The following GABRB2 variants were observed in gnomAD, a reference collection of about 807,000 sequenced individuals.
GABRB2 encodes gamma-aminobutyric acid type A receptor subunit beta2, also known as gamma-aminobutyric acid receptor subunit beta-2.
In GABRB2, 16 loss-of-function variants were observed where a neutral mutation model predicts 54.7. The observed-to-expected ratio is 0.29, with a 90% CI of 0.20 to 0.44. The LOEUF (loss-of-function observed/expected upper bound fraction) is 0.44, where lower values mean the gene tolerates loss of function less well. Ranked by LOEUF, GABRB2 falls within the 20% of genes least tolerant of loss-of-function variation. GABRB2 has a pLI of 1.00. For missense variants in GABRB2, 355 were observed against 644.0 expected (o/e 0.55, Z 4.86); for synonymous variants, 244 against 233.8 (o/e 1.04, Z -0.40).
At chr5:161,335,200 G>GTTT (rs2113405659) in intron 6 of GABRB2, among the ~76,000 whole-genome samples, 1 of 152,208 alleles carries the variant, frequency 6.6e-6, no homozygotes, top group Non-Finnish European at 1.5e-5. Flanking sequence ...ATTTGGGACA[G>GTTT]TTCTTTTTTT....
At chr5:161,439,060 C>T (rs779801542) in intron 4 of GABRB2, among the ~76,000 whole-genome samples, 1 of 152,080 alleles carries the variant, frequency 6.6e-6, no homozygotes, top group Non-Finnish European at 1.5e-5. Flanking sequence ...TTATAGAACA[C>T]CAAGCAGATT....
chr5:161,306,418 A>AT (rs35052790), intron 9 of GABRB2, among the ~76,000 whole-genome samples: 1 of 152,122 alleles, frequency 6.6e-6, no homozygotes, highest in Non-Finnish European at 1.5e-5. Flanking sequence ...GTATAGAGAT[A>AT]TTTTTTTCCA....
rs117086693 is a variant in GABRB2 at position 161,453,802 on chromosome 5, C to T, written c.458+5822G>A. Reference sequence around the variant, plus strand: ...CTGTAATCCTAGCACACTGGGAGGTCGGGGTGGGCAGATCATTTGAAATCA... The same window carrying T: ...CTGTAATCCTAGCACACTGGGAGGTTGGGGTGGGCAGATCATTTGAAATCA... On this transcript the variant is annotated intron_variant, in intron 4 of 9. Transcript: ENST00000393959. Among the ~76,000 whole-genome samples, 43 of 151,900 alleles carry T rather than the reference C, an allele frequency of 2.8e-4. No individual in the cohort carries two copies. In the East Asian group the frequency reaches 7.2e-3, roughly 25 times the overall value.
intron 3 of GABRB2, among the ~76,000 whole-genome samples, chr5:161,463,317 C>CCACACACA (rs137863733): frequency 0.027 from 3,868 of 141,122 alleles, 143 homozygotes; most frequent in African/African-American, 0.078. Flanking sequence ...TACACACACA[C>CCACACACA]CACACACACA....
At chr5:161,301,090 T>G (rs1231274818) in intron 9 of GABRB2, among the ~76,000 whole-genome samples, 5 of 152,186 alleles carry the variant, frequency 3.3e-5, no homozygotes, top group Non-Finnish European at 5.9e-5. Flanking sequence ...AGTTAGCAAT[T>G]GGCCCGGAGT....
At chr5:161,505,948 C>T (rs933251138) in intron 3 of GABRB2, among the ~76,000 whole-genome samples, 26 of 152,008 alleles carry the variant, frequency 1.7e-4, no homozygotes, top group African/African-American at 5.3e-4. Context: ...TTAAAGCCAA[C>T]GTGATAAGTA....
At chr5:161,474,161 G>A (rs71605496) in intron 3 of GABRB2, among the ~76,000 whole-genome samples, 3,428 of 152,032 alleles carry the variant, frequency 0.023, 61 homozygotes, top group Non-Finnish European at 0.034. Context: ...TATTTTTGGC[G>A]TACTGGCTTT....
intron 5 of GABRB2, among the ~76,000 whole-genome samples, chr5:161,367,457 C>G (rs1755002422): frequency 6.6e-6 from 1 of 152,036 alleles, no homozygotes; most frequent in Admixed American, 6.6e-5. Context: ...AATTGAAAAA[C>G]AACCATATAT....
chr5:161,423,797 A>C (rs950531684), intron 4 of GABRB2, among the ~76,000 whole-genome samples: 1 of 152,186 alleles, frequency 6.6e-6, no homozygotes, highest in Non-Finnish European at 1.5e-5. Flanking sequence ...AGAAAGGCTG[A>C]AAACTAGGCC....
chr5:161,416,961 T>C (rs191819556), intron 4 of GABRB2, among the ~76,000 whole-genome samples: 53 of 152,112 alleles, frequency 3.5e-4, no homozygotes, highest in Admixed American at 9.8e-4. Flanking sequence ...CAAACTAATA[T>C]AAAAACTTCA....
Position 161,546,547 on chromosome 5 carries a change from G to C in GABRB2, c.77+20C>G. On this transcript the variant is annotated intron_variant, in intron 1 of 9. Transcript: ENST00000393959. ...CCCTTCAAAGTGAGAACGGAAAAGA[G>C]AAACGCTGGGCACACTTACCTCTGC... 4 of 1,589,548 alleles carry C rather than the reference G, an allele frequency of 2.5e-6. No homozygotes were observed. Among genetic ancestry groups the C allele is most frequent in the Non-Finnish European group, 3.4e-6 (4 of 1,165,458 alleles).
intron 3 of GABRB2, among the ~76,000 whole-genome samples, chr5:161,508,050 A>G (rs1011738762): frequency 2.0e-5 from 3 of 152,012 alleles, no homozygotes; most frequent in African/African-American, 7.2e-5. Flanking sequence ...ACTTGAACAA[A>G]AAATACTCAA....
At chr5:161,400,164 C>CA (rs564298729) in intron 5 of GABRB2, among the ~76,000 whole-genome samples, 84 of 152,188 alleles carry the variant, frequency 5.5e-4, no homozygotes, top group Non-Finnish European at 8.7e-4. Flanking sequence ...AACTATCAAA[C>CA]AAAAACAACA....
intron 5 of GABRB2, among the ~76,000 whole-genome samples, chr5:161,409,562 C>A (rs922745350): frequency 6.6e-6 from 1 of 151,962 alleles, no homozygotes; most frequent in Non-Finnish European, 1.5e-5. Flanking sequence ...ATTTGATATC[C>A]CAGAATAATT....
chr5:161,353,566 G>A (rs1166948833), intron 5 of GABRB2, among the ~76,000 whole-genome samples: 3 of 152,024 alleles, frequency 2.0e-5, no homozygotes, highest in Non-Finnish European at 4.4e-5. Context: ...TGTGCAAGCT[G>A]TTACTGGCCT....
chr5:161,336,889 A>G, intron 5 of GABRB2, 120 bp from the exon 6 acceptor site: 1 of 1,036,136 alleles, frequency 9.7e-7, no homozygotes, highest in Non-Finnish European at 1.4e-6. Context: ...ATAAAGATAT[A>G]GCTAAAGGCT....
intron 5 of GABRB2, among the ~76,000 whole-genome samples, chr5:161,350,796 C>G (rs1187974005): frequency 6.6e-6 from 1 of 152,070 alleles, no homozygotes; most frequent in Admixed American, 6.6e-5. Context: ...CCATCTTTCT[C>G]CCATGCTCAA....
intron 9 of GABRB2, among the ~76,000 whole-genome samples, chr5:161,297,543 T>G (rs1580957035): frequency 6.6e-6 from 1 of 152,312 alleles, no homozygotes; most frequent in East Asian, 1.9e-4. Flanking sequence ...TTTGGTTTTC[T>G]GTTCCTATCT....
intron 3 of GABRB2, among the ~76,000 whole-genome samples, chr5:161,476,492 T>A (rs1758594691): frequency 6.6e-6 from 1 of 151,698 alleles, no homozygotes; most frequent in Admixed American, 6.6e-5. Context: ...AACAAAATAA[T>A]CTTGAAAAAG....
Sources: gnomAD v4.1 joint callset for allele counts (sites outside exome capture counted in the v4.1 genomes callset) on GRCh38, gnomAD v4.1.1 for gene constraint, MANE v1.5 for transcripts, NCBI Gene and HGNC (gene_info 2026-07-23, HGNC 2026-07-21) for gene names.